The following QTMAN variants were observed in gnomAD, a reference collection of about 807,000 sequenced individuals.
The protein encoded by QTMAN is tRNA-queuosine alpha-mannosyltransferase.
the QTMAN span, among the ~76,000 whole-genome samples, chr2:144,069,287 G>T: frequency 1.3e-3 from 162 of 124,502 alleles, 2 homozygotes; most frequent in African/African-American, 4.8e-3. Context: ...AGTCTTATGG[G>T]AATCTTTTAC....
chr2:143,950,663 A>G, the QTMAN span, among the ~76,000 whole-genome samples: 2 of 151,688 alleles, frequency 1.3e-5, no homozygotes, highest in East Asian at 3.8e-4. Flanking sequence ...ACTAATACTT[A>G]TATTTCCTCA....
the QTMAN span, among the ~76,000 whole-genome samples, chr2:144,152,857 A>C: frequency 2.0e-5 from 3 of 152,350 alleles, no homozygotes; most frequent in Admixed American, 2.0e-4. Flanking sequence ...ATAACAATAA[A>C]AAAGATAAGT....
chr2:144,061,394 G>C, the QTMAN span, among the ~76,000 whole-genome samples: 1 of 152,070 alleles, frequency 6.6e-6, no homozygotes, highest in Non-Finnish European at 1.5e-5. Context: ...TCTTTGAATT[G>C]CTTTATTAAT....
the QTMAN span, among the ~76,000 whole-genome samples, chr2:143,965,493 G>A: frequency 6.6e-6 from 1 of 152,144 alleles, no homozygotes; most frequent in African/African-American, 2.4e-5. Context: ...ACAGATGGAT[G>A]AACATGAATT....
chr2:144,220,538 C>T, the QTMAN span, among the ~76,000 whole-genome samples: 1 of 152,116 alleles, frequency 6.6e-6, no homozygotes, highest in Non-Finnish European at 1.5e-5. Context: ...AAGCAGAGAC[C>T]CTATAGCCAG....
At chr2:144,183,273 C>T in the QTMAN span, among the ~76,000 whole-genome samples, 1 of 151,992 alleles carries the variant, frequency 6.6e-6, no homozygotes, top group African/African-American at 2.4e-5. Context: ...GATCTTTCAA[C>T]ATTTGTTTGA....
the QTMAN span, among the ~76,000 whole-genome samples, chr2:144,102,886 G>A: frequency 6.6e-6 from 1 of 152,166 alleles, no homozygotes; most frequent in African/African-American, 2.4e-5. Context: ...TAAAGGCACA[G>A]CTTATTTGGC....
chr2:144,092,851 T>G, the QTMAN span, among the ~76,000 whole-genome samples: 10 of 148,858 alleles, frequency 6.7e-5, no homozygotes, highest in Non-Finnish European at 1.5e-4. Flanking sequence ...AAAGACAAGT[T>G]GAATAAATAA....
chr2:144,207,595 A>G, the QTMAN span, among the ~76,000 whole-genome samples: 1 of 152,226 alleles, frequency 6.6e-6, no homozygotes, highest in African/African-American at 2.4e-5. Context: ...TATTTAAAAA[A>G]GTATATAACA....
the QTMAN span, among the ~76,000 whole-genome samples, chr2:144,274,507 T>G: frequency 6.6e-6 from 1 of 152,198 alleles, no homozygotes; most frequent in Non-Finnish European, 1.5e-5. Context: ...TGAACGTTGA[T>G]TGAGTTGATC....
the QTMAN span, among the ~76,000 whole-genome samples, chr2:144,324,682 T>C: frequency 1.3e-5 from 2 of 152,266 alleles, no homozygotes; most frequent in African/African-American, 4.8e-5. Context: ...CTACCCAAGG[T>C]AATCAAGATA....
chr2:143,981,632 T>C, the QTMAN span, among the ~76,000 whole-genome samples: 2 of 152,204 alleles, frequency 1.3e-5, no homozygotes, highest in Non-Finnish European at 2.9e-5. Flanking sequence ...ATGTTTTATG[T>C]CTTGTTTCTA....
the QTMAN span, among the ~76,000 whole-genome samples, chr2:143,958,802 T>G: frequency 6.6e-6 from 1 of 150,466 alleles, no homozygotes; most frequent in Non-Finnish European, 1.5e-5. Flanking sequence ...TTTTTTTTTT[T>G]TACGTTTCCA....
chr2:144,020,645 G>C, the QTMAN span, among the ~76,000 whole-genome samples: 2 of 152,186 alleles, frequency 1.3e-5, no homozygotes, highest in African/African-American at 4.8e-5. Flanking sequence ...CTCCCTGTCT[G>C]TATGCTCCCC....
the QTMAN span, among the ~76,000 whole-genome samples, chr2:144,130,039 T>C: frequency 1.3e-5 from 2 of 150,752 alleles, no homozygotes; most frequent in African/African-American, 2.4e-5. Flanking sequence ...TCTTTTTCAA[T>C]ATCTTCAAAG....
the QTMAN span, among the ~76,000 whole-genome samples, chr2:144,144,393 T>C: frequency 6.6e-6 from 1 of 151,908 alleles, no homozygotes; most frequent in African/African-American, 2.4e-5. Context: ...TTAGTTTTTT[T>C]CCCAATGATT....
At chr2:144,247,355 A>G in the QTMAN span, among the ~76,000 whole-genome samples, 1 of 152,246 alleles carries the variant, frequency 6.6e-6, no homozygotes, top group Non-Finnish European at 1.5e-5. Context: ...GGCATTATTA[A>G]TTTCATGAAA....
At chr2:144,183,720 C>T in the QTMAN span, among the ~76,000 whole-genome samples, 8 of 152,142 alleles carry the variant, frequency 5.3e-5, 1 homozygote, top group Non-Finnish European at 8.8e-5. Flanking sequence ...TCTTACATTA[C>T]ATGGCCAGAT....
the QTMAN span, among the ~76,000 whole-genome samples, chr2:144,093,783 G>A: frequency 6.6e-6 from 1 of 152,114 alleles, no homozygotes; most frequent in African/African-American, 2.4e-5. Context: ...TATTTATGTG[G>A]ATATGTTGGT....
Sources: allele counts gnomAD v4.1 joint callset (sites outside exome capture counted in the v4.1 genomes callset), GRCh38; gene constraint gnomAD v4.1.1; transcripts MANE v1.5; gene names NCBI Gene and HGNC (gene_info 2026-07-23, HGNC 2026-07-21).